The following MSRB1 variants were observed in gnomAD, a reference collection of about 807,000 sequenced individuals.
MSRB1 encodes methionine-R-sulfoxide reductase B1.
MSRB1 carries 13 observed loss-of-function variants against 15.2 expected under a neutral mutation model. The ratio of observed to expected loss-of-function variants is 0.86; its 90% CI spans 0.56 to 1.36. MSRB1 has a LOEUF of 1.36. Among genes scored for constraint, MSRB1 ranks in the 40% most tolerant of loss-of-function variants. The probability of loss-of-function intolerance (pLI) is 0.00; values close to 1 mark genes in which losing one functional copy is unlikely to be tolerated. For synonymous variants in MSRB1, 68 were observed against 64.5 expected (o/e 1.05, Z -0.26); for missense variants, 174 against 155.9 (o/e 1.12, Z -0.62).
intron 1 of MSRB1, among the ~76,000 whole-genome samples, chr16:1,942,229 G>A (rs1449729794): frequency 6.6e-6 from 1 of 152,242 alleles, no homozygotes; most frequent in Admixed American, 6.5e-5. Context: ...AGAGCAGCCT[G>A]AGGACAACTG....
Position 1,939,058 on chromosome 16 carries a change from G to A in MSRB1, c.*54C>T, listed in dbSNP as rs2083057366. The A allele has an allele frequency of 6.2e-7, 1 of 1,606,880 alleles. No homozygotes were observed. The highest frequency in any genetic ancestry group is 8.5e-7 in the Non-Finnish European group (1 of 1,175,132). ...AGGGTTCCAACTCCAAGGTGGAATG[G>A]CCAACGTGTGGCCTCAGTGTGGTGG... On this transcript the variant is annotated 3_prime_UTR_variant, in exon 4 of 4. Transcript: ENST00000361871.
chr16:1,939,021 G>C lies in MSRB1; in HGVS notation c.*91C>G. 2 of 1,514,068 alleles carry C rather than the reference G, an allele frequency of 1.3e-6. No homozygotes were observed. The highest frequency in any genetic ancestry group is 1.8e-6 in the Non-Finnish European group (2 of 1,100,270). The allele number at this position is 1,514,068 out of a possible 1,614,324, so 93.8% of individuals were successfully genotyped here. Reference sequence around the variant, plus strand: ...TTCAACCACTGCGCCCTGCCTTCCTGTCTCGACGCCCAGGGTTCCAACTCC... The same window carrying C: ...TTCAACCACTGCGCCCTGCCTTCCTCTCTCGACGCCCAGGGTTCCAACTCC... On this transcript the variant is annotated 3_prime_UTR_variant, in exon 4 of 4. Coordinates refer to ENST00000361871, the MANE Select transcript of MSRB1 (RefSeq NM_016332.4).
At chr16:1,941,187 A>G (rs1278736680) in intron 2 of MSRB1, 70 bp downstream of exon 2, 1 of 1,594,188 alleles carries the variant, frequency 6.3e-7, no homozygotes, top group African/African-American at 1.3e-5. Flanking sequence ...AAGCAGAGGG[A>G]GGAAGGTGGG....
At chr16:1,942,310 T>C (rs2083082571) in intron 1 of MSRB1, among the ~76,000 whole-genome samples, 1 of 152,208 alleles carries the variant, frequency 6.6e-6, no homozygotes, top group Non-Finnish European at 1.5e-5. Context: ...CCCAACCCGC[T>C]ACAGGGGTGC....
chr16:1,943,183 G>A lies in MSRB1; in HGVS notation c.-27C>T. The A allele has an allele frequency of 6.4e-7, 1 of 1,552,240 alleles. No homozygotes were observed. Among genetic ancestry groups the A allele is most frequent in the Non-Finnish European group, 8.7e-7 (1 of 1,148,032 alleles). On this transcript the variant is annotated 5_prime_UTR_variant, in exon 1 of 4. Coordinates refer to ENST00000361871, the MANE Select transcript of MSRB1 (RefSeq NM_016332.4). The stretch of plus-strand genomic sequence containing the variant: ...GCGCCACCGGAACCGCAGCGCGCTT[G>A]CCGCTGCCAACTGACCAAAGGCTGC...
chr16:1,939,478 A>T (rs750864339), intron 3 of MSRB1, among the ~76,000 whole-genome samples: 2 of 151,986 alleles, frequency 1.3e-5, no homozygotes, highest in Non-Finnish European at 2.9e-5. Context: ...CACGCACCAG[A>T]TCCTGACAGG....
chr16:1,940,914 T>G, intron 2 of MSRB1, 22 bp from the exon 3 acceptor site: 1 of 1,613,964 alleles, frequency 6.2e-7, no homozygotes, highest in Non-Finnish European at 8.5e-7. Flanking sequence ...ACAAGGCAGC[T>G]GGGTGAGCTT....
At chr16:1,942,523 C>A (rs1465582171) in intron 1 of MSRB1, among the ~76,000 whole-genome samples, 2 of 152,258 alleles carry the variant, frequency 1.3e-5, no homozygotes, top group Non-Finnish European at 2.9e-5. Flanking sequence ...TGGTGGCACT[C>A]CTGGTTCCCC....
chr16:1,939,344 C>T (rs897121457), intron 3 of MSRB1, among the ~76,000 whole-genome samples: 6 of 152,178 alleles, frequency 3.9e-5, no homozygotes, highest in East Asian at 1.9e-4. Flanking sequence ...ACCAGATGCC[C>T]GACTCAGGGG....
Position 1,941,400 on chromosome 16 carries a change from A to C in MSRB1, c.61T>G (p.Tyr21Asp). The change falls in exon 2 of 4, where the codon TAC (tyrosine) becomes GAC (aspartate). Residue 21 changes from tyrosine to aspartate, a missense_variant. By Grantham distance (160) the Tyr-to-Asp change is radical. Coordinates refer to ENST00000361871, the MANE Select transcript of MSRB1 (RefSeq NM_016332.4). ...VFQNHFEPGV[Y>D]VCAKCGYELF... ...TCATAGCCACACTTGGCACACACGT[A>C]AACGCCTGTGGTGGAAGGAGAGGCA... is the stretch of plus-strand genomic sequence containing the variant. 1 of 1,611,760 alleles carries C rather than the reference A, an allele frequency of 6.2e-7. No individual in the cohort carries two copies. Among genetic ancestry groups the C allele is most frequent in the South Asian group, 1.1e-5 (1 of 90,756 alleles).
Position 1,939,025 on chromosome 16 carries a change from C to T in MSRB1, c.*87G>A, listed in dbSNP as rs971277235. The T allele has an allele frequency of 4.6e-6, 7 of 1,530,216 alleles. No individual in the cohort carries two copies. The highest frequency in any genetic ancestry group is 1.8e-5 in the Admixed American group (1 of 55,562). 94.8% of individuals were successfully genotyped at this position (1,530,216 alleles called of 1,614,324 possible). On this transcript the variant is annotated 3_prime_UTR_variant, in exon 4 of 4. Transcript: ENST00000361871. ...ACCACTGCGCCCTGCCTTCCTGTCT[C>T]GACGCCCAGGGTTCCAACTCCAAGG... is the stretch of plus-strand genomic sequence containing the variant.
At chr16:1,940,404 G>A (rs532360348) in intron 3 of MSRB1, among the ~76,000 whole-genome samples, 6 of 152,332 alleles carry the variant, frequency 3.9e-5, no homozygotes, top group East Asian at 3.9e-4. Flanking sequence ...GGCTCTGAGC[G>A]GCTAAGAAGC....
Position 1,943,187 on chromosome 16 carries a change from C to T in MSRB1, c.-31G>A. 2 of 1,551,552 alleles carry T rather than the reference C, an allele frequency of 1.3e-6. No individual in the cohort carries two copies. Among genetic ancestry groups the T allele is most frequent in the Non-Finnish European group, 8.7e-7 (1 of 1,147,708 alleles). On this transcript the variant is annotated 5_prime_UTR_variant, in exon 1 of 4. Transcript: ENST00000361871. The stretch of plus-strand genomic sequence containing the variant: ...CACCGGAACCGCAGCGCGCTTGCCG[C>T]TGCCAACTGACCAAAGGCTGCCGAC...
chr16:1,940,604 T>C (rs1168742680), intron 3 of MSRB1, among the ~76,000 whole-genome samples, 174 bp downstream of exon 3: 1 of 152,248 alleles, frequency 6.6e-6, no homozygotes, highest in Admixed American at 6.5e-5. Flanking sequence ...GAACACCAGC[T>C]CCTTTGCCCC....
Position 1,938,988 on chromosome 16 carries a change from C to T in MSRB1, c.*124G>A. 7.9e-7 allele frequency: 1 copy of T among 1,262,340 alleles called. No individual in the cohort carries two copies. Among genetic ancestry groups the T allele is most frequent in the Non-Finnish European group, 1.1e-6 (1 of 882,260 alleles). 78.2% of individuals were successfully genotyped at this position (1,262,340 alleles called of 1,614,324 possible). ...TTCAGAGCCGGGGCCTTGGGAGTGT[C>T]CTGATGTTTCAACCACTGCGCCCTG... On this transcript the variant is annotated 3_prime_UTR_variant, in exon 4 of 4. Coordinates refer to ENST00000361871, the MANE Select transcript of MSRB1 (RefSeq NM_016332.4).
At chr16:1,941,837 G>A (rs1018226155) in intron 1 of MSRB1, 10 of 176,344 alleles carry the variant, frequency 5.7e-5, no homozygotes, top group Admixed American at 5.6e-4. Flanking sequence ...TTTCTCAAGT[G>A]GTCCTCCCTG....
chr16:1,941,504 C>G lies in MSRB1; in HGVS notation c.56-99G>C, dbSNP rs536848860. 2.1e-6 allele frequency: 3 copies of G among 1,455,172 alleles called. No homozygotes were observed. The African/African-American group carries it at 4.3e-5, about 21-fold the overall frequency. 90.1% of individuals were successfully genotyped at this position (1,455,172 alleles called of 1,614,324 possible). On this transcript the variant is annotated intron_variant, in intron 1 of 3. Coordinates refer to ENST00000361871, the MANE Select transcript of MSRB1 (RefSeq NM_016332.4). ...ACCCAGGCAAAGACAGCGCTGCCCC[C>G]GTTCCGAGGGTAGGCTGTGCTCCTT... is the stretch of plus-strand genomic sequence containing the variant.
chr16:1,942,992 C>A, intron 1 of MSRB1, 110 bp downstream of exon 1: 1 of 1,428,590 alleles, frequency 7.0e-7, no homozygotes, highest in South Asian at 1.2e-5. Flanking sequence ...CAGCCACATT[C>A]GCCCCCATTC....
chr16:1,941,757 G>A (rs938538168), intron 1 of MSRB1: 23 of 253,860 alleles, frequency 9.1e-5, no homozygotes, highest in Admixed American at 1.5e-4. Flanking sequence ...GCTCCCCCTC[G>A]CCCCCCTAGT....
Sources: allele counts gnomAD v4.1 joint callset (sites outside exome capture counted in the v4.1 genomes callset), GRCh38; gene constraint gnomAD v4.1.1; transcripts MANE v1.5; gene names NCBI Gene and HGNC (gene_info 2026-07-23, HGNC 2026-07-21).